Variants in EVC observed in about 807,000 individuals in gnomAD.
EVC encodes the protein EvC ciliary complex subunit 1, also known as evC complex member EVC.
Under a neutral mutation model 118.9 loss-of-function variants are expected in EVC, and 116 were observed. That is an observed-to-expected ratio of 0.98 (90% confidence interval 0.84 to 1.14). The LOEUF is 1.14. Ranked by LOEUF, EVC falls within the 50% of genes most tolerant of loss-of-function variation. EVC has a pLI of 0.00. For missense variants in EVC, 1,401 were observed against 1,246.4 expected (o/e 1.12, Z -1.87); for synonymous variants, 619 against 534.7 (o/e 1.16, Z -2.18).
At chr4:5,807,374 A>G (rs750170894) in intron 17 of EVC, among the ~76,000 whole-genome samples, 14 of 152,198 alleles carry the variant, frequency 9.2e-5, no homozygotes, top group Non-Finnish European at 2.1e-4. Context: ...AGTGTGAGGT[A>G]GGAGCAGGGT....
intron 12 of EVC, 44 bp from the exon 13 acceptor site, chr4:5,793,564 G>T: frequency 1.3e-6 from 2 of 1,483,206 alleles, no homozygotes; most frequent in Non-Finnish European, 1.8e-6. Context: ...GATTGTTGAA[G>T]TGAGTAACCA....
At chr4:5,741,194 G>A (rs1728513595) in intron 5 of EVC, among the ~76,000 whole-genome samples, 1 of 152,208 alleles carries the variant, frequency 6.6e-6, no homozygotes, top group Non-Finnish European at 1.5e-5. Flanking sequence ...TCTTACAGGG[G>A]TGAATAGATC....
chr4:5,779,272 C>T (rs1228113161), intron 11 of EVC, among the ~76,000 whole-genome samples: 2 of 152,184 alleles, frequency 1.3e-5, no homozygotes, highest in African/African-American at 2.4e-5. Context: ...AGTCAGGTAG[C>T]GTGATGCCTC....
rs974854040 is a variant in EVC, at chr4:5,752,682, A to T, written c.1099-154A>T. On this transcript the variant is annotated intron_variant, in intron 8 of 20. Transcript: ENST00000264956. The stretch of plus-strand genomic sequence containing the variant: ...TCGGGGGCAGACGCAGATCTCGCTC[A>T]TGAAGGAGAGGGGGAGTTCATCCCT... 5 of 789,954 alleles carry T rather than the reference A, an allele frequency of 6.3e-6. 1 individual carries two copies. Among genetic ancestry groups the T allele is most frequent in the South Asian group, 5.9e-5 (4 of 67,308 alleles). The allele number at this position is 789,954 out of a possible 1,614,324, so 48.9% of individuals were successfully genotyped here. A position where few individuals can be genotyped will look rare whatever the true frequency, so the allele number is the denominator to read the frequency against.
At position 5,756,220 on chromosome 4, in the gene EVC, A is replaced by T; in HGVS notation, c.1465-44A>T. 1 of 1,443,196 alleles carries T rather than the reference A, an allele frequency of 6.9e-7. No homozygotes were observed. 89.4% of individuals were successfully genotyped at this position (1,443,196 alleles called of 1,614,324 possible). A position where few individuals can be genotyped will look rare whatever the true frequency, so the allele number is the denominator to read the frequency against. ...GAACCTTCTGGAAAAAAAAAAAAAA[A>T]CCCTGCATGTTTCTACCAGACTCAG... On this transcript the variant is annotated intron_variant, in intron 10 of 20. Transcript: ENST00000264956. This position sits in a 1 kb window ranked among gnomAD's most constrained non-coding sequence, Gnocchi z 4.2.
chr4:5,819,765 T>C, the EVC span, among the ~76,000 whole-genome samples: 3 of 151,968 alleles, frequency 2.0e-5, no homozygotes, highest in Admixed American at 6.5e-5. Context: ...CAAAAATCCT[T>C]ACCATCCGTT....
intron 2 of EVC, among the ~76,000 whole-genome samples, chr4:5,724,672 G>A (rs1042214815): frequency 3.3e-5 from 5 of 151,656 alleles, no homozygotes; most frequent in Admixed American, 3.3e-4. Flanking sequence ...GCTTGGGGAG[G>A]TAGCGTACGT....
intron 12 of EVC, among the ~76,000 whole-genome samples, chr4:5,788,827 C>A (rs1712211386): frequency 6.6e-6 from 1 of 152,174 alleles, no homozygotes; most frequent in African/African-American, 2.4e-5. Flanking sequence ...GCTTGTCCAA[C>A]CCACAGGCTG....
At chr4:5,717,476 T>C (rs1407416652) in intron 1 of EVC, among the ~76,000 whole-genome samples, 7 of 152,196 alleles carry the variant, frequency 4.6e-5, no homozygotes, top group Non-Finnish European at 1.0e-4. Context: ...TGATGCTCCC[T>C]CTGTGGGATA....
intron 5 of EVC, among the ~76,000 whole-genome samples, chr4:5,739,092 C>G (rs1381657763): frequency 1.3e-5 from 2 of 152,052 alleles, no homozygotes; most frequent in East Asian, 3.9e-4. Context: ...TGAAATCAAC[C>G]CTACAATACC....
intron 11 of EVC, among the ~76,000 whole-genome samples, chr4:5,780,315 AAT>A (rs1735393632): frequency 6.6e-6 from 1 of 152,152 alleles, no homozygotes; most frequent in Non-Finnish European, 1.5e-5. Context: ...TATGTGTGAG[AAT>A]ATGTTTATTT....
intron 8 of EVC, among the ~76,000 whole-genome samples, chr4:5,748,518 A>T (rs1283798018): frequency 1.3e-5 from 2 of 151,496 alleles, no homozygotes; most frequent in African/African-American, 4.9e-5. Flanking sequence ...TGACCCTTCC[A>T]TCCATCCATC....
the EVC span, among the ~76,000 whole-genome samples, chr4:5,822,629 T>G: frequency 1.3e-5 from 2 of 152,092 alleles, no homozygotes; most frequent in Admixed American, 6.5e-5. Context: ...CAACAAATAT[T>G]TATTAAATGA....
chr4:5,718,890 A>C (rs1320408434), intron 1 of EVC, among the ~76,000 whole-genome samples: 1 of 152,220 alleles, frequency 6.6e-6, no homozygotes, highest in African/African-American at 2.4e-5. Flanking sequence ...TCTCATGCTT[A>C]GTTGTTAAAT....
chr4:5,758,034 A>G (rs1157910921), intron 11 of EVC: 8 of 701,868 alleles, frequency 1.1e-5, no homozygotes, highest in South Asian at 8.9e-5. Context: ...GTTAGGTCCT[A>G]CTGGATTCGG....
In EVC at chr4:5,804,787, C is replaced by T. The variant is rs748620929; in HGVS notation, c.2507C>T (p.Ser836Leu). ...RKKQELSNPS[S>L]GSRTAGGAHE... ...AAGCAAGAACTCAGCAACCCTTCGT[C>T]GGGCAGCAGGACGGCAGGTGGCGCT... Residue 836 changes from serine to leucine, a missense_variant, in exon 17 of 21, where the codon TCG becomes TTG. Transcript: ENST00000264956. 7 of 1,614,012 alleles carry T rather than the reference C, an allele frequency of 4.3e-6. No homozygotes were observed. Among genetic ancestry groups the T allele is most frequent in the East Asian group, 2.2e-5 (1 of 44,878 alleles).
At chr4:5,741,111 G>A (rs1474830572) in intron 5 of EVC, among the ~76,000 whole-genome samples, 1 of 152,216 alleles carries the variant, frequency 6.6e-6, no homozygotes, top group Non-Finnish European at 1.5e-5. Context: ...TCAGAGAAAT[G>A]AGGACTTACG....
chr4:5,763,367 T>C (rs1254602281), intron 11 of EVC, among the ~76,000 whole-genome samples: 3 of 147,316 alleles, frequency 2.0e-5, no homozygotes, highest in African/African-American at 7.7e-5. Context: ...TGGCTTAGGA[T>C]TGACTTGGCG....
intron 2 of EVC, among the ~76,000 whole-genome samples, chr4:5,720,908 C>A (rs893972746): frequency 4.6e-5 from 7 of 151,624 alleles, no homozygotes; most frequent in Admixed American, 1.3e-4. Context: ...GGTAAAAAGA[C>A]TTAGGTCTCC....
Sources: allele counts gnomAD v4.1 joint callset (sites outside exome capture counted in the v4.1 genomes callset), GRCh38; gene constraint gnomAD v4.1.1; non-coding constraint Gnocchi (gnomAD v3.1); transcripts MANE v1.5; gene names NCBI Gene and HGNC (gene_info 2026-07-23, HGNC 2026-07-21).